Variants in CTNNA2 observed in about 807,000 individuals in gnomAD.
The protein encoded by CTNNA2 is catenin alpha-2.
In CTNNA2, 42 loss-of-function variants were observed where a neutral mutation model predicts 101.0. That is an observed-to-expected ratio of 0.42 (90% CI 0.32 to 0.54). The LOEUF (loss-of-function observed/expected upper bound fraction) is 0.54. CTNNA2 is among the 20% of genes least tolerant of loss of function. The probability of loss-of-function intolerance (pLI) is 0.14; values close to 1 mark genes in which losing one functional copy is unlikely to be tolerated. For missense variants in CTNNA2, 871 were observed against 1,223.1 expected, an observed-to-expected ratio of 0.71 and a Z score of 4.29; for synonymous variants, 450 against 456.4, an observed-to-expected ratio of 0.99 and a Z score of 0.18.
intron 1 of CTNNA2, among the ~76,000 whole-genome samples, chr2:79,621,667 T>C (rs1679005915): frequency 6.6e-6 from 1 of 152,234 alleles, no homozygotes; most frequent in East Asian, 1.9e-4. Flanking sequence ...TTATGTAGCA[T>C]AACTCTCCAT....
chr2:80,061,524 C>T (rs960338470), intron 7 of CTNNA2, among the ~76,000 whole-genome samples: 16 of 152,102 alleles, frequency 1.1e-4, no homozygotes, highest in Admixed American at 7.9e-4. Flanking sequence ...ACACAAAATA[C>T]ATAAACAAAA....
chr2:79,927,222 G>A (rs757202375), intron 7 of CTNNA2, among the ~76,000 whole-genome samples: 7 of 152,136 alleles, frequency 4.6e-5, no homozygotes, highest in Non-Finnish European at 7.4e-5. Context: ...CTTTATTATG[G>A]TAGGCAGTTA....
At chr2:79,449,985 C>A (rs1471655454) in intron 4 of CTNNA2, among the ~76,000 whole-genome samples, 1 of 151,928 alleles carries the variant, frequency 6.6e-6, no homozygotes, top group Non-Finnish European at 1.5e-5. Flanking sequence ...CCAGTTTCTT[C>A]CAGTACTCAT....
At chr2:80,122,419 A>G (rs942022342) in intron 7 of CTNNA2, among the ~76,000 whole-genome samples, 1 of 149,200 alleles carries the variant, frequency 6.7e-6, no homozygotes, top group Non-Finnish European at 1.5e-5. Context: ...TTTGCCCAAC[A>G]TAATTTCTAC....
chr2:79,816,157 G>T (rs1018867835), intron 3 of CTNNA2, among the ~76,000 whole-genome samples: 1 of 152,094 alleles, frequency 6.6e-6, no homozygotes, highest in Non-Finnish European at 1.5e-5. Flanking sequence ...CTTGCTGGAG[G>T]AGTCTTTAGG....
intron 3 of CTNNA2, among the ~76,000 whole-genome samples, chr2:79,857,284 C>G (rs2103945542): frequency 6.6e-6 from 1 of 152,352 alleles, no homozygotes; most frequent in South Asian, 2.1e-4. Flanking sequence ...CTTTCTTAAT[C>G]TTGTCTCTTA....
chr2:79,190,070 A>G (rs1467577732), intron 1 of CTNNA2, among the ~76,000 whole-genome samples: 1 of 152,158 alleles, frequency 6.6e-6, no homozygotes, highest in Non-Finnish European at 1.5e-5. Context: ...ATAAGTTTTA[A>G]TGAAATTTAT....
chr2:79,308,696 G>C (rs2104397720), intron 2 of CTNNA2, among the ~76,000 whole-genome samples: 1 of 151,504 alleles, frequency 6.6e-6, no homozygotes. Flanking sequence ...TGAGAGGTGG[G>C]AGTCTGGTTT....
intron 3 of CTNNA2, among the ~76,000 whole-genome samples, chr2:79,766,399 G>A (rs946248636): frequency 6.6e-6 from 1 of 152,170 alleles, no homozygotes; most frequent in Non-Finnish European, 1.5e-5. Flanking sequence ...GCTGCCAGAT[G>A]TATTGGAGCT....
intron 3 of CTNNA2, among the ~76,000 whole-genome samples, chr2:79,750,692 T>A (rs1217278018): frequency 6.6e-6 from 1 of 151,824 alleles, no homozygotes. Flanking sequence ...GAAAGAGAAG[T>A]CTGGTGGCAG....
At chr2:80,064,661 C>T (rs1003649051) in intron 7 of CTNNA2, among the ~76,000 whole-genome samples, 3 of 152,164 alleles carry the variant, frequency 2.0e-5, no homozygotes, top group Non-Finnish European at 2.9e-5. Flanking sequence ...CATGTGGTTT[C>T]CACACCAGGG....
intron 18 of CTNNA2, among the ~76,000 whole-genome samples, chr2:80,627,939 A>C (rs1671853097): frequency 6.6e-6 from 1 of 152,144 alleles, no homozygotes; most frequent in South Asian, 2.1e-4. Context: ...ATCAATGTGC[A>C]AAAATTGCAA....
intron 7 of CTNNA2, among the ~76,000 whole-genome samples, chr2:80,305,521 G>C (rs1676849898): frequency 6.6e-6 from 1 of 151,980 alleles, no homozygotes; most frequent in South Asian, 2.1e-4. Context: ...GAATGTGTAG[G>C]GACGTGATAG....
intron 9 of CTNNA2, among the ~76,000 whole-genome samples, chr2:80,487,978 A>C (rs2149512115): frequency 6.6e-6 from 1 of 152,308 alleles, no homozygotes; most frequent in Non-Finnish European, 1.5e-5. Flanking sequence ...TGAATGATTA[A>C]ATTTGTAGAT....
At chr2:79,780,817 A>T (rs1031908226) in intron 3 of CTNNA2, among the ~76,000 whole-genome samples, 5 of 152,232 alleles carry the variant, frequency 3.3e-5, no homozygotes, top group Non-Finnish European at 7.3e-5. Context: ...TATTTGATTC[A>T]AATTTTTCTT....
chr2:79,385,956 C>T (rs983042303), intron 4 of CTNNA2, among the ~76,000 whole-genome samples: 2 of 152,066 alleles, frequency 1.3e-5, no homozygotes, highest in African/African-American at 4.8e-5. Flanking sequence ...GGGTTAGTTC[C>T]AAGTCTTTGC....
intron 3 of CTNNA2, among the ~76,000 whole-genome samples, chr2:79,341,651 A>T (rs1677140538): frequency 6.6e-6 from 1 of 152,206 alleles, no homozygotes; most frequent in Non-Finnish European, 1.5e-5. Context: ...TGTCATACAT[A>T]CTTACTGTCC....
intron 7 of CTNNA2, among the ~76,000 whole-genome samples, chr2:80,005,827 G>A (rs890993069): frequency 6.6e-6 from 1 of 151,072 alleles, no homozygotes; most frequent in African/African-American, 2.4e-5. Flanking sequence ...TCATATCAGT[G>A]GTTTTCAAGC....
chr2:80,076,913 G>C (rs1335156688), intron 7 of CTNNA2, among the ~76,000 whole-genome samples: 1 of 152,084 alleles, frequency 6.6e-6, no homozygotes, highest in Admixed American at 6.5e-5. Flanking sequence ...TAGCGTGGTG[G>C]TGGGCACCTG....
Sources: gnomAD v4.1 joint callset for allele counts (sites outside exome capture counted in the v4.1 genomes callset) on GRCh38, gnomAD v4.1.1 for gene constraint, MANE v1.5 for transcripts, NCBI Gene and HGNC (gene_info 2026-07-23, HGNC 2026-07-21) for gene names.